The following SVIL variants were observed in gnomAD, a reference collection of about 807,000 sequenced individuals.
SVIL encodes archvillin.
Under a neutral mutation model 240.4 loss-of-function variants are expected in SVIL, and 101 were observed. That is an observed-to-expected ratio of 0.42 (90% CI 0.36 to 0.50). The LOEUF is 0.50. Among genes scored for constraint, SVIL ranks in the 20% least tolerant of loss-of-function variants. The pLI, the probability that SVIL is intolerant of heterozygous loss-of-function variation, is 0.01. For synonymous variants in SVIL, 999 were observed against 1,100.0 expected (o/e 0.91, Z 1.82); for missense variants, 2,512 against 2,818.7 (o/e 0.89, Z 2.46).
intron 2 of SVIL, among the ~76,000 whole-genome samples, chr10:29,667,371 CT>C (rs374383454): frequency 4.6e-5 from 7 of 152,272 alleles, no homozygotes; most frequent in African/African-American, 1.7e-4. Flanking sequence ...AAAAGACATC[CT>C]GTGTGACTCC....
chr10:29,642,676 G>T (rs1337659487), intron 3 of SVIL, among the ~76,000 whole-genome samples: 1 of 151,944 alleles, frequency 6.6e-6, no homozygotes, highest in African/African-American at 2.4e-5. Flanking sequence ...TCTGCAGTTA[G>T]ATCTCTTCTC....
intron 2 of SVIL, among the ~76,000 whole-genome samples, chr10:29,566,899 T>G (rs918287382): frequency 1.3e-5 from 2 of 152,124 alleles, no homozygotes; most frequent in African/African-American, 2.4e-5. Flanking sequence ...AGGGTCAACC[T>G]CTGCAGGCCT....
At position 29,550,770 on chromosome 10, in the gene SVIL, A is replaced by G. The variant is rs1367516790; in HGVS notation, c.654T>C (p.His218=). 6.2e-7 allele frequency: 1 copy of G among 1,613,986 alleles called. No individual in the cohort carries two copies. Among genetic ancestry groups the G allele is most frequent in the Non-Finnish European group, 8.5e-7 (1 of 1,180,020 alleles). ...GQELSATRQA[H]DLSPAAESSS... ...AACTCTCGGCTGCTGGGGACAGGTC[A>G]TGGGCCTGCCGGGTGGCACTCAGCT... Residue 218 remains histidine (H), a synonymous_variant, in exon 6 of 38, where the codon CAT becomes CAC. Transcript: ENST00000355867.
At chr10:29,729,450 G>GGTGTGTGTGTGT (rs55940009) in intron 1 of SVIL, among the ~76,000 whole-genome samples, 12 of 136,682 alleles carry the variant, frequency 8.8e-5, no homozygotes, top group African/African-American at 3.4e-4. Context: ...TGTTTATGGA[G>GGTGTGTGTGTGT]GTGTGTGTGT....
intron 1 of SVIL, among the ~76,000 whole-genome samples, chr10:29,622,017 G>A (rs544690251): frequency 6.5e-4 from 98 of 151,882 alleles, no homozygotes; most frequent in Non-Finnish European, 7.8e-4. Flanking sequence ...TTGGGAGGCC[G>A]AGGCGGGCGG....
chr10:29,673,578 G>A (rs946032333), intron 2 of SVIL, among the ~76,000 whole-genome samples: 5 of 132,930 alleles, frequency 3.8e-5, no homozygotes, highest in Non-Finnish European at 8.1e-5. Flanking sequence ...TGGCATTAGG[G>A]GGGAGAGAGA....
intron 1 of SVIL, among the ~76,000 whole-genome samples, chr10:29,713,293 T>C (rs975499632): frequency 1.3e-5 from 2 of 149,946 alleles, no homozygotes; most frequent in Non-Finnish European, 3.0e-5. Flanking sequence ...TGTGTGTGCA[T>C]GTGAACGTGG....
chr10:29,486,445 A>C lies in SVIL; in HGVS notation c.4598T>G (p.Phe1533Cys). Residue 1533 changes from phenylalanine (F) to cysteine (C), a missense_variant, in exon 25 of 38, where the codon TTC (phenylalanine) becomes TGC (cysteine). Around this residue, in one of 3 missense-constraint regions of SVIL, gnomAD observed 797 missense variants for 925.3 expected, o/e 0.86. Transcript: ENST00000355867. Reference sequence around the variant, plus strand: ...GGTTTGGCCACCCAGAAGCTTCCAGAAGTCTTTGGCTGCATGAGTGTGTGT... The same window carrying C: ...GGTTTGGCCACCCAGAAGCTTCCAGCAGTCTTTGGCTGCATGAGTGTGTGT... ...INTHTHAAKD[F>C]WKLLGGQTSY... 1 of 1,614,218 alleles carries C rather than the reference A, an allele frequency of 6.2e-7. No homozygotes were observed. The highest frequency in any genetic ancestry group is 8.5e-7 in the Non-Finnish European group (1 of 1,180,038).
Position 29,463,634 on chromosome 10 carries a change from T to G in SVIL, c.6135A>C (p.Ala2045=), listed in dbSNP as rs1944533856. 4 of 1,613,738 alleles carry G rather than the reference T, an allele frequency of 2.5e-6. No individual in the cohort carries two copies. Among genetic ancestry groups the G allele is most frequent in the Admixed American group, 1.7e-5 (1 of 59,978 alleles). ...QEDLYSAPQP[A]LFLVDNHHEV... ...CGTGGTGATTGTCAACAAGGAAAAGTGCTGTGAGGGCAGGGACAGGGCCAG... is the reference window on the plus strand; with the variant it reads ...CGTGGTGATTGTCAACAAGGAAAAGGGCTGTGAGGGCAGGGACAGGGCCAG... The change falls in exon 35 of 38, where the codon GCA becomes GCC. Residue 2045 remains alanine, a splice_region_variant and synonymous_variant. Coordinates refer to ENST00000355867, the MANE Select transcript of SVIL (RefSeq NM_021738.3).
intron 16 of SVIL, among the ~76,000 whole-genome samples, chr10:29,513,568 C>A (rs1397310499): frequency 2.6e-5 from 4 of 152,092 alleles, no homozygotes; most frequent in Admixed American, 6.6e-5. Flanking sequence ...AACATAAAGC[C>A]ATGAAGCACT....
At chr10:29,550,285 T>G (rs1374993063) in intron 6 of SVIL, among the ~76,000 whole-genome samples, 1 of 147,266 alleles carries the variant, frequency 6.8e-6, no homozygotes, top group African/African-American at 2.5e-5. Flanking sequence ...AAAAAAAAAA[T>G]GTAAAAATTA....
At chr10:29,555,160 C>T (rs1953791255) in intron 3 of SVIL, 52 bp from the exon 4 acceptor site, 1 of 1,486,618 alleles carries the variant, frequency 6.7e-7, no homozygotes, top group Admixed American at 2.3e-5. Flanking sequence ...GTCGTGCGCT[C>T]ATTTTATTCA....
At chr10:29,705,504 T>TA in intron 1 of SVIL, among the ~76,000 whole-genome samples, 1 of 152,154 alleles carries the variant, frequency 6.6e-6, no homozygotes, top group Non-Finnish European at 1.5e-5. Flanking sequence ...AAGTTCGGGA[T>TA]ACAAGTGCAG....
At chr10:29,466,336 C>A (rs1001294875) in intron 33 of SVIL, among the ~76,000 whole-genome samples, 2 of 151,962 alleles carry the variant, frequency 1.3e-5, no homozygotes, top group African/African-American at 4.8e-5. Context: ...CAAAACAATG[C>A]TTAGCTATCT....
At chr10:29,571,257 C>T (rs1039975021) in intron 1 of SVIL, among the ~76,000 whole-genome samples, 7 of 152,288 alleles carry the variant, frequency 4.6e-5, no homozygotes, top group Admixed American at 1.3e-4. Flanking sequence ...AGCCTGGAGG[C>T]GCTGCAACAG....
chr10:29,571,918 A>C (rs1341067621), intron 1 of SVIL, among the ~76,000 whole-genome samples: 2 of 152,108 alleles, frequency 1.3e-5, no homozygotes, highest in African/African-American at 4.8e-5. Context: ...ATTGTGATTC[A>C]CCACACCCCA....
intron 1 of SVIL, among the ~76,000 whole-genome samples, chr10:29,688,021 AGAAGCAGC>A (rs1292574896): frequency 2.6e-5 from 4 of 152,194 alleles, no homozygotes; most frequent in African/African-American, 9.7e-5. Context: ...ACACATATGC[AGAAGCAGC>A]AATGACACTT....
chr10:29,706,443 T>C (rs999637904), intron 1 of SVIL, among the ~76,000 whole-genome samples: 1 of 152,226 alleles, frequency 6.6e-6, no homozygotes, highest in Non-Finnish European at 1.5e-5. Flanking sequence ...GTTGGCTGCA[T>C]ACATGTCTTC....
rs1461994161 is a variant in SVIL, at chr10:29,701,958, G to A, written c.-399-15307C>T. Among the ~76,000 whole-genome samples, 5 of 152,144 alleles carry A rather than the reference G, an allele frequency of 3.3e-5. No individual in the cohort carries two copies. The East Asian group carries it at 5.8e-4, about 18-fold the overall frequency. On this transcript the variant is annotated intron_variant, in intron 1 of 35. Coordinates refer to the SVIL transcript ENST00000375400. ...GGAGGCCGAGGCAGATGGATCACCTGAGGTCAGGAGTTCGAGACCAGCCTG... is the reference window on the plus strand; with the variant it reads ...GGAGGCCGAGGCAGATGGATCACCTAAGGTCAGGAGTTCGAGACCAGCCTG...
Sources: allele counts gnomAD v4.1 joint callset (sites outside exome capture counted in the v4.1 genomes callset), GRCh38; gene constraint gnomAD v4.1.1; regional missense constraint gnomAD v4.1.1; transcripts MANE v1.5; gene names NCBI Gene and HGNC (gene_info 2026-07-23, HGNC 2026-07-21).